The following SCAI variants were observed in gnomAD, a reference collection of about 807,000 sequenced individuals.
SCAI encodes protein SCAI.
Under a neutral mutation model 92.2 loss-of-function variants are expected in SCAI, and 24 were observed. The observed-to-expected ratio is 0.26, with a 90% CI of 0.19 to 0.37. SCAI has a LOEUF of 0.37. Ranked by LOEUF, SCAI falls within the 10% of genes least tolerant of loss-of-function variation. The pLI is 1.00. For synonymous variants in SCAI, 261 were observed against 258.6 expected (o/e 1.01, Z -0.09); for missense variants, 450 against 736.2 (o/e 0.61, Z 4.50).
chr9:125,089,481 T>C (rs1834385587), intron 2 of SCAI, among the ~76,000 whole-genome samples: 1 of 152,128 alleles, frequency 6.6e-6, no homozygotes, highest in Non-Finnish European at 1.5e-5. Flanking sequence ...GTGCAAAGGA[T>C]ATTATCTAGT....
chr9:125,111,559 AT>A (rs60793424), intron 2 of SCAI, among the ~76,000 whole-genome samples: 35,268 of 146,848 alleles, frequency 0.24, 4,517 homozygotes, highest in Non-Finnish European at 0.31. Context: ...TTTTGTGAAA[AT>A]TTTTTTTTTT....
Position 124,948,239 on chromosome 9 carries a change from A to G in SCAI, c.*4568T>C, listed in dbSNP as rs1831182918. The G allele has an allele frequency of 1.3e-5, 2 of 152,354 alleles. No individual in the cohort carries two copies. Among genetic ancestry groups the G allele is most frequent in the South Asian group, 4.1e-4 (2 of 4,830 alleles). The allele number at this position is 152,354 out of a possible 1,614,324, so 9.4% of individuals were successfully genotyped here. A position where few individuals can be genotyped will look rare whatever the true frequency, so the allele number is the denominator to read the frequency against. ...GGGGAGGGAACCACCCGGATCCTCT[A>G]TCAGGAAAACTCCAGCCACAATTGG... On this transcript the variant is annotated 3_prime_UTR_variant, in exon 18 of 18. Coordinates refer to ENST00000336505, the MANE Select transcript of SCAI (RefSeq NM_001144877.3).
chr9:124,960,644 T>TGACA (rs1466705918), intron 17 of SCAI, among the ~76,000 whole-genome samples: 5 of 151,934 alleles, frequency 3.3e-5, no homozygotes, highest in Non-Finnish European at 7.4e-5. Context: ...ATCACAAGAG[T>TGACA]GACAGCCTCT....
intron 3 of SCAI, among the ~76,000 whole-genome samples, chr9:125,049,176 C>T (rs1833505975): frequency 6.6e-6 from 1 of 151,788 alleles, no homozygotes; most frequent in African/African-American, 2.4e-5. Flanking sequence ...ATTATATGTA[C>T]TATAATAATA....
At chr9:125,082,203 C>T (rs1342410065) in intron 2 of SCAI, among the ~76,000 whole-genome samples, 1 of 152,166 alleles carries the variant, frequency 6.6e-6, no homozygotes. Flanking sequence ...CTAAAAGGGG[C>T]CGAGGTACAG....
intron 2 of SCAI, among the ~76,000 whole-genome samples, chr9:125,099,851 AGC>A (rs1440404859): frequency 6.6e-6 from 1 of 152,246 alleles, no homozygotes; most frequent in Non-Finnish European, 1.5e-5. Flanking sequence ...TCCATGTTGT[AGC>A]ATGTGTCAGA....
Position 124,952,789 on chromosome 9 carries a change from G to A in SCAI, c.*18C>T, listed in dbSNP as rs376537802. 22 of 1,595,952 alleles carry A rather than the reference G, an allele frequency of 1.4e-5. No homozygotes were observed. Among genetic ancestry groups the A allele is most frequent in the African/African-American group, 1.2e-4 (9 of 74,098 alleles). On this transcript the variant is annotated 3_prime_UTR_variant, in exon 18 of 18. Transcript: ENST00000336505. The stretch of plus-strand genomic sequence containing the variant: ...TTTGTGGAAAATGAAAACTTGTTTC[G>A]ACAACAGGGTTTTTGTTTTAATAGT...
rs567011388 is a variant in SCAI at position 125,053,346 on chromosome 9, A to G, written c.230+2530T>C. The stretch of plus-strand genomic sequence containing the variant: ...CAACACTCTGTCTCAAAAAAAAGGA[A>G]AACCTACGCTCACATAAAAACTTGT... On this transcript the variant is annotated intron_variant, in intron 3 of 17. Coordinates refer to ENST00000336505, the MANE Select transcript of SCAI (RefSeq NM_001144877.3). 8.5e-5 allele frequency among the ~76,000 whole-genome samples: 13 copies of G among 152,270 alleles called. No homozygotes were observed. The South Asian group carries it at 1.5e-3, about 17-fold the overall frequency.
intron 14 of SCAI, among the ~76,000 whole-genome samples, chr9:124,979,615 G>C (rs1410478376): frequency 6.6e-6 from 1 of 152,160 alleles, no homozygotes; most frequent in African/African-American, 2.4e-5. Flanking sequence ...AAAAGGATAA[G>C]AAACAGGTAA....
rs1436715656 is a variant in SCAI, at chr9:125,020,765, C to T, written c.517G>A (p.Glu173Lys). ...YSQVNKEDRP[E>K]LVVKKLRYYA... is the part of the protein sequence containing the mutation. ...TATCGTAACTTCTTAACTACCAATTCAGGTCTATGGAAGATAAATGAAAAA... is the reference window on the plus strand; with the variant it reads ...TATCGTAACTTCTTAACTACCAATTTAGGTCTATGGAAGATAAATGAAAAA... Residue 173 changes from glutamate (E) to lysine (K), a missense_variant, in exon 7 of 18, where the codon GAA becomes AAA. This residue lies in a region of SCAI where 360 missense variants were observed against 601.8 expected (regional missense o/e 0.60). Coordinates refer to ENST00000336505, the MANE Select transcript of SCAI (RefSeq NM_001144877.3). 7.1e-7 allele frequency: 1 copy of T among 1,410,062 alleles called. No homozygotes were observed. Among genetic ancestry groups the T allele is most frequent in the Non-Finnish European group, 9.8e-7 (1 of 1,020,572 alleles). 87.3% of individuals were successfully genotyped at this position (1,410,062 alleles called of 1,614,324 possible). A position where few individuals can be genotyped will look rare whatever the true frequency, so the allele number is the denominator to read the frequency against.
intron 17 of SCAI, among the ~76,000 whole-genome samples, chr9:124,955,098 G>A (rs1401013984): frequency 6.6e-6 from 1 of 151,658 alleles, no homozygotes; most frequent in Non-Finnish European, 1.5e-5. Flanking sequence ...AGCCCAAGAG[G>A]CGGAGGTTGC....
At chr9:124,990,476 G>A (rs138173376) in intron 14 of SCAI, among the ~76,000 whole-genome samples, 21 of 152,210 alleles carry the variant, frequency 1.4e-4, no homozygotes, top group African/African-American at 4.6e-4. Flanking sequence ...GTGACACAGC[G>A]AGCCTCCCTC....
intron 2 of SCAI, among the ~76,000 whole-genome samples, chr9:125,079,003 G>T (rs566365125): frequency 6.6e-6 from 1 of 152,150 alleles, no homozygotes; most frequent in African/African-American, 2.4e-5. Context: ...TCTTGCAATT[G>T]CTTGATTCAT....
At chr9:125,124,821 G>T (rs1224585566) in intron 2 of SCAI, among the ~76,000 whole-genome samples, 1 of 152,192 alleles carries the variant, frequency 6.6e-6, no homozygotes, top group Non-Finnish European at 1.5e-5. Flanking sequence ...AAAAGGGGTT[G>T]AAAAAGAGTT....
chr9:125,024,272 A>G (rs904944855), intron 6 of SCAI, among the ~76,000 whole-genome samples: 1 of 149,302 alleles, frequency 6.7e-6, no homozygotes, highest in Non-Finnish European at 1.5e-5. Context: ...AAGGCTTTTT[A>G]TGAAGTTTTT....
intron 14 of SCAI, among the ~76,000 whole-genome samples, chr9:124,981,598 G>T (rs895030610): frequency 6.6e-6 from 1 of 152,042 alleles, no homozygotes; most frequent in Non-Finnish European, 1.5e-5. Flanking sequence ...CTAAATGACT[G>T]TTACGAAAGC....
At chr9:125,055,717 G>A (rs1446305670) in intron 3 of SCAI, among the ~76,000 whole-genome samples, 159 bp downstream of exon 3, 2 of 151,552 alleles carry the variant, frequency 1.3e-5, no homozygotes, top group Non-Finnish European at 2.9e-5. Flanking sequence ...TTTTATCCAA[G>A]AATTTTAAAA....
In SCAI at chr9:125,019,910, C is replaced by T. The variant is rs569828247; in HGVS notation, c.610-705G>A. 7.3e-5 allele frequency among the ~76,000 whole-genome samples: 11 copies of T among 151,578 alleles called. No homozygotes were observed. The South Asian group carries it at 2.1e-3, about 29-fold the overall frequency. On this transcript the variant is annotated intron_variant, in intron 7 of 17. Coordinates refer to ENST00000336505, the MANE Select transcript of SCAI (RefSeq NM_001144877.3). ...GCAACATGGTGAAACCCTGTCTCTA[C>T]AAAAAACACAAAAATTAGCTAGGAG...
chr9:125,095,605 T>C (rs1330729542), intron 2 of SCAI, among the ~76,000 whole-genome samples: 2 of 152,252 alleles, frequency 1.3e-5, no homozygotes, highest in Non-Finnish European at 2.9e-5. Context: ...CATCCAGGTA[T>C]GGCCATGGAA....
Sources: gnomAD v4.1 joint callset for allele counts (sites outside exome capture counted in the v4.1 genomes callset) on GRCh38, gnomAD v4.1.1 for gene constraint, gnomAD v4.1.1 regional missense constraint, MANE v1.5 for transcripts, NCBI Gene and HGNC (gene_info 2026-07-23, HGNC 2026-07-21) for gene names.